Variants in GALNT13 observed in about 807,000 individuals in gnomAD.
GALNT13 encodes UDP-GalNAc:polypeptide N-acetylgalactosaminyltransferase 13.
Under a neutral mutation model 64.2 loss-of-function variants are expected in GALNT13, and 28 were observed. The ratio of observed to expected loss-of-function variants is 0.44; its 90% CI spans 0.32 to 0.60. The LOEUF (loss-of-function observed/expected upper bound fraction) is 0.60, where lower values mean the gene tolerates loss of function less well. Ranked by LOEUF, GALNT13 falls within the 20% of genes least tolerant of loss-of-function variation. The pLI, the probability that GALNT13 is intolerant of heterozygous loss-of-function variation, is 0.05. For synonymous variants in GALNT13, 214 were observed against 224.6 expected, an observed-to-expected ratio of 0.95 and a Z score of 0.42; for missense variants, 577 against 669.8, an observed-to-expected ratio of 0.86 and a Z score of 1.53.
At chr2:153,619,212 C>T in the GALNT13 span, among the ~76,000 whole-genome samples, 1 of 151,914 alleles carries the variant, frequency 6.6e-6, no homozygotes, top group South Asian at 2.1e-4. Flanking sequence ...TTTGAGATTA[C>T]CATGAGGCTT....
At chr2:154,276,905 T>C (rs904532817) in intron 8 of GALNT13, among the ~76,000 whole-genome samples, 1 of 152,178 alleles carries the variant, frequency 6.6e-6, no homozygotes, top group Admixed American at 6.5e-5. Flanking sequence ...ATGTGTTTGC[T>C]TCCCCTTCCA....
In GALNT13 at chr2:154,403,728, C is replaced by T. The variant is rs138978603; in HGVS notation, c.1297-5256C>T. The stretch of plus-strand genomic sequence containing the variant: ...CTAATACCAGGTTGCCTTTATGTAT[C>T]TTTTTTCATGTGTCTTCACCTGTTG... On this transcript the variant is annotated intron_variant, in intron 10 of 12. Transcript: ENST00000392825. Among the ~76,000 whole-genome samples, 530 of 152,136 alleles carry T rather than the reference C, an allele frequency of 3.5e-3. 1 individual carries two copies. The highest frequency in any genetic ancestry group is 6.8e-3 in the Middle Eastern group (2 of 294).
At chr2:153,666,289 T>G in the GALNT13 span, among the ~76,000 whole-genome samples, 3 of 152,138 alleles carry the variant, frequency 2.0e-5, no homozygotes, top group African/African-American at 7.2e-5. Context: ...TTGCCACCAC[T>G]GGTGTGCACA....
At chr2:153,391,247 C>T in the GALNT13 span, among the ~76,000 whole-genome samples, 1 of 152,054 alleles carries the variant, frequency 6.6e-6, no homozygotes, top group Non-Finnish European at 1.5e-5. Flanking sequence ...GTCACTCTGA[C>T]TGCTCTCTTG....
intron 9 of GALNT13, among the ~76,000 whole-genome samples, chr2:154,353,912 T>G (rs1250344563): frequency 6.6e-6 from 1 of 152,176 alleles, no homozygotes; most frequent in Admixed American, 6.5e-5. Flanking sequence ...TTTCATCTCC[T>G]TCAGATATAT....
intron 9 of GALNT13, among the ~76,000 whole-genome samples, chr2:154,318,524 G>T (rs1460852177): frequency 6.6e-6 from 1 of 151,976 alleles, no homozygotes; most frequent in Non-Finnish European, 1.5e-5. Context: ...TCAGGAGTTC[G>T]AGACTAACCT....
rs552156680 is a variant in GALNT13 at position 153,955,376 on chromosome 2, T to G, written c.142+10737T>G. On this transcript the variant is annotated intron_variant, in intron 3 of 12. Transcript: ENST00000392825. ...GTTAAGAGGCCTTGAAATATGGGAG[T>G]TTTATGGACATGTGAAAATTGGAAG... Among the ~76,000 whole-genome samples, 14 of 151,520 alleles carry G rather than the reference T, an allele frequency of 9.2e-5. No homozygotes were observed. The East Asian group carries it at 2.5e-3, about 27-fold the overall frequency.
At chr2:153,747,466 C>T in the GALNT13 span, among the ~76,000 whole-genome samples, 4 of 138,086 alleles carry the variant, frequency 2.9e-5, no homozygotes, top group South Asian at 2.5e-4. Flanking sequence ...TTCTCACTCT[C>T]GCCCAGGCTG....
chr2:153,390,012 G>A, the GALNT13 span, among the ~76,000 whole-genome samples: 2 of 152,020 alleles, frequency 1.3e-5, no homozygotes, highest in Admixed American at 6.6e-5. Context: ...ACATGCACAC[G>A]TATGTTTATT....
At chr2:153,949,365 G>C (rs1052431435) in intron 3 of GALNT13, among the ~76,000 whole-genome samples, 1 of 152,094 alleles carries the variant, frequency 6.6e-6, no homozygotes, top group East Asian at 1.9e-4. Flanking sequence ...AGAGGACACT[G>C]GATCTAGAGT....
At chr2:153,814,118 A>G in the GALNT13 span, among the ~76,000 whole-genome samples, 4 of 152,224 alleles carry the variant, frequency 2.6e-5, no homozygotes, top group South Asian at 8.3e-4. Flanking sequence ...CAGTCACCGC[A>G]TCACCGATCA....
chr2:154,431,374 A>G (rs764517040), intron 11 of GALNT13, among the ~76,000 whole-genome samples: 21 of 152,198 alleles, frequency 1.4e-4, no homozygotes, highest in Admixed American at 5.2e-4. Context: ...CTAAAGGGTC[A>G]TGAAAAAAGA....
At chr2:153,279,142 T>C in the GALNT13 span, among the ~76,000 whole-genome samples, 6 of 152,192 alleles carry the variant, frequency 3.9e-5, no homozygotes, top group African/African-American at 1.4e-4. Flanking sequence ...GTTGCATTCT[T>C]GATTTGGCTC....
intron 8 of GALNT13, among the ~76,000 whole-genome samples, chr2:154,272,843 G>A (rs1305658145): frequency 2.0e-5 from 3 of 151,948 alleles, no homozygotes; most frequent in African/African-American, 4.8e-5. Flanking sequence ...TTACAAATTA[G>A]GGTTTCATTT....
chr2:153,906,471 C>T (rs1688573307), intron 2 of GALNT13, among the ~76,000 whole-genome samples: 1 of 149,248 alleles, frequency 6.7e-6, no homozygotes, highest in Admixed American at 6.7e-5. Flanking sequence ...ATTCAATTCC[C>T]ACCTATGAGT....
the GALNT13 span, among the ~76,000 whole-genome samples, chr2:153,853,529 T>C: frequency 6.6e-6 from 1 of 152,006 alleles, no homozygotes; most frequent in Non-Finnish European, 1.5e-5. Flanking sequence ...TAGCTAGAAA[T>C]AGAGATGATG....
chr2:154,079,135 G>T (rs200246287), intron 3 of GALNT13, among the ~76,000 whole-genome samples: 3 of 151,526 alleles, frequency 2.0e-5, no homozygotes, highest in East Asian at 3.9e-4. Context: ...TATATGGAGG[G>T]ATACAGAAGA....
At chr2:153,080,726 A>G in the GALNT13 span, among the ~76,000 whole-genome samples, 1 of 152,048 alleles carries the variant, frequency 6.6e-6, no homozygotes, top group Admixed American at 6.6e-5. Flanking sequence ...AAATTCTTCT[A>G]AAATCTTTTA....
At chr2:153,601,307 A>G in the GALNT13 span, among the ~76,000 whole-genome samples, 2 of 151,736 alleles carry the variant, frequency 1.3e-5, no homozygotes, top group South Asian at 4.1e-4. Flanking sequence ...CAGAGCTTGT[A>G]CTAGTAATGA....
Sources: gnomAD v4.1 joint callset for allele counts (sites outside exome capture counted in the v4.1 genomes callset) on GRCh38, gnomAD v4.1.1 for gene constraint, MANE v1.5 for transcripts, NCBI Gene and HGNC (gene_info 2026-07-23, HGNC 2026-07-21) for gene names.